CFAP20DC: variants seen among roughly 807,000 people sequenced by gnomAD.
CFAP20DC encodes protein CFAP20DC.
A neutral mutation model predicts 101.7 loss-of-function variants in CFAP20DC; 84 were observed. The ratio of observed to expected loss-of-function variants is 0.83; its 90% confidence interval spans 0.69 to 0.99. The LOEUF (loss-of-function observed/expected upper bound fraction) is 0.99, where lower values mean the gene tolerates loss of function less well. CFAP20DC is among the 50% of genes least tolerant of loss of function. The pLI is 0.00. For missense variants in CFAP20DC, 1,007 were observed against 970.3 expected, an observed-to-expected ratio of 1.04 and a Z score of -0.50; for synonymous variants, 359 against 351.2, an observed-to-expected ratio of 1.02 and a Z score of -0.25.
In CFAP20DC at chr3:59,006,858, A is replaced by T. The variant is rs2093445827; in HGVS notation, c.278+32699T>A. On this transcript the variant is annotated intron_variant, in intron 4 of 16. Coordinates refer to ENST00000482387, the MANE Select transcript of CFAP20DC (RefSeq NM_001394063.1). The surrounding 1 kb of genome is among the most constrained non-coding windows in gnomAD (Gnocchi z 4.3). ...CAAATGGGAACTGTTACAGATGCAA[A>T]CACAGGAGCTGCTGACATTGTAGGC... 6.6e-6 allele frequency among the ~76,000 whole-genome samples: 1 copy of T among 152,298 alleles called. No individual in the cohort carries two copies. Among genetic ancestry groups the T allele is most frequent in the Non-Finnish European group, 1.5e-5 (1 of 68,020 alleles).
At chr3:58,993,407 C>T (rs1283967301) in intron 4 of CFAP20DC, among the ~76,000 whole-genome samples, 2 of 152,092 alleles carry the variant, frequency 1.3e-5, no homozygotes, top group African/African-American at 4.8e-5. Context: ...TAGTTATCTT[C>T]ATGGTGAATT....
At chr3:58,978,055 C>A (rs940720648) in intron 4 of CFAP20DC, among the ~76,000 whole-genome samples, 1 of 152,170 alleles carries the variant, frequency 6.6e-6, no homozygotes, top group African/African-American at 2.4e-5. Flanking sequence ...AGGAAAGGAT[C>A]CGGAAGTAGG....
At chr3:58,813,162 A>C (rs2074808592) in intron 14 of CFAP20DC, among the ~76,000 whole-genome samples, 2 of 151,938 alleles carry the variant, frequency 1.3e-5, no homozygotes, top group South Asian at 4.1e-4. Flanking sequence ...GCTGAAAAAA[A>C]TGATGCCAAT....
At chr3:58,999,480 G>GA (rs1365433915) in intron 4 of CFAP20DC, among the ~76,000 whole-genome samples, 3 of 152,080 alleles carry the variant, frequency 2.0e-5, no homozygotes, top group Non-Finnish European at 4.4e-5. Context: ...CTTGTTAAAC[G>GA]AAAGGAGTGA....
At chr3:58,993,609 T>C (rs981070013) in intron 4 of CFAP20DC, among the ~76,000 whole-genome samples, 2 of 152,082 alleles carry the variant, frequency 1.3e-5, no homozygotes, top group African/African-American at 4.8e-5. Context: ...CAACAGGCCC[T>C]AGTGTGTGTT....
At chr3:58,849,805 C>G (rs930998400) in intron 12 of CFAP20DC, among the ~76,000 whole-genome samples, 1 of 152,098 alleles carries the variant, frequency 6.6e-6, no homozygotes, top group African/African-American at 2.4e-5. Context: ...AAAGAAACAA[C>G]TAAAACTTAT....
intron 7 of CFAP20DC, among the ~76,000 whole-genome samples, chr3:58,878,345 G>A (rs978733481): frequency 5.3e-5 from 8 of 152,168 alleles, no homozygotes; most frequent in African/African-American, 1.9e-4. Context: ...AACTGGAGTA[G>A]GACCTTAGAC....
At chr3:58,991,207 T>C (rs551549855) in intron 4 of CFAP20DC, among the ~76,000 whole-genome samples, 2 of 152,336 alleles carry the variant, frequency 1.3e-5, no homozygotes, top group East Asian at 1.9e-4. Flanking sequence ...TAAATTCCAA[T>C]TGTGGTCCAC....
chr3:58,935,325 T>G (rs1372620811), intron 5 of CFAP20DC, among the ~76,000 whole-genome samples: 1 of 151,884 alleles, frequency 6.6e-6, no homozygotes, highest in Non-Finnish European at 1.5e-5. Flanking sequence ...GAAGAATCAA[T>G]ATTGTGAAAA....
chr3:58,850,550 T>G (rs1184729769), intron 12 of CFAP20DC, among the ~76,000 whole-genome samples: 2 of 146,538 alleles, frequency 1.4e-5, no homozygotes, highest in Non-Finnish European at 1.5e-5. Context: ...ATCATGCCAT[T>G]GCACCCCAGC....
At chr3:58,991,734 T>C (rs1255212564) in intron 4 of CFAP20DC, among the ~76,000 whole-genome samples, 1 of 152,152 alleles carries the variant, frequency 6.6e-6, no homozygotes, top group Non-Finnish European at 1.5e-5. Flanking sequence ...GAGAATCTAA[T>C]ACCACTGTTG....
chr3:59,000,972 A>G (rs2093293285), intron 4 of CFAP20DC, among the ~76,000 whole-genome samples: 1 of 152,180 alleles, frequency 6.6e-6, no homozygotes, highest in African/African-American at 2.4e-5. Flanking sequence ...TGATAGGGGG[A>G]AAAAGGAAAA....
At chr3:58,814,284 T>C (rs1442930299) in intron 14 of CFAP20DC, among the ~76,000 whole-genome samples, 1 of 151,926 alleles carries the variant, frequency 6.6e-6, no homozygotes, top group Non-Finnish European at 1.5e-5. Flanking sequence ...GAATCCTATC[T>C]TGTTAGTGAC....
chr3:58,931,515 G>C (rs190817458), intron 5 of CFAP20DC, among the ~76,000 whole-genome samples: 2 of 152,064 alleles, frequency 1.3e-5, no homozygotes, highest in East Asian at 3.9e-4. Context: ...CTAACTGGGA[G>C]GCACCCCCCA....
At chr3:59,023,582 G>C (rs1350127189) in intron 4 of CFAP20DC, among the ~76,000 whole-genome samples, 1 of 152,010 alleles carries the variant, frequency 6.6e-6, no homozygotes, top group Non-Finnish European at 1.5e-5. Context: ...ATTATGGAGA[G>C]AGAGGTGCCT....
intron 14 of CFAP20DC, among the ~76,000 whole-genome samples, chr3:58,812,654 G>T (rs183379968): frequency 1.9e-4 from 29 of 151,582 alleles, no homozygotes; most frequent in Admixed American, 1.9e-3. Flanking sequence ...ATGTATACAT[G>T]TGTAACTAAC....
At chr3:58,970,938 G>A (rs1387468394) in intron 4 of CFAP20DC, among the ~76,000 whole-genome samples, 1 of 152,088 alleles carries the variant, frequency 6.6e-6, no homozygotes, top group East Asian at 1.9e-4. Flanking sequence ...CTGTTTGGGT[G>A]TTAAGTTGCT....
chr3:58,973,304 G>A (rs186349440), intron 4 of CFAP20DC, among the ~76,000 whole-genome samples: 176 of 152,240 alleles, frequency 1.2e-3, no homozygotes, highest in Non-Finnish European at 2.1e-3. Context: ...ACCTCCCAAT[G>A]GCTCAAATCA....
intron 15 of CFAP20DC, among the ~76,000 whole-genome samples, chr3:58,804,690 C>G (rs961838313): frequency 6.6e-6 from 1 of 152,078 alleles, no homozygotes; most frequent in African/African-American, 2.4e-5. Flanking sequence ...ATAATTTGGA[C>G]CACAGTTGGA....
Sources: gnomAD v4.1 joint callset for allele counts (sites outside exome capture counted in the v4.1 genomes callset) on GRCh38, gnomAD v4.1.1 for gene constraint, Gnocchi (gnomAD v3.1) non-coding constraint, MANE v1.5 for transcripts, NCBI Gene and HGNC (gene_info 2026-07-23, HGNC 2026-07-21) for gene names.